Variants in UCHL5 observed in about 807,000 individuals in gnomAD.
The protein encoded by UCHL5 is ubiquitin carboxyl-terminal hydrolase isozyme L5.
UCHL5 carries 34 observed loss-of-function variants against 53.8 expected under a neutral mutation model. The ratio of observed to expected loss-of-function variants is 0.63; its 90% CI spans 0.48 to 0.84. The LOEUF (loss-of-function observed/expected upper bound fraction) is 0.84. Among genes scored for constraint, UCHL5 ranks in the 40% least tolerant of loss-of-function variants. The pLI is 0.00. For synonymous variants in UCHL5, 111 were observed against 126.3 expected (o/e 0.88, Z 0.81); for missense variants, 290 against 385.6 (o/e 0.75, Z 2.08).
rs1558156791 is a variant in UCHL5, at chr1:193,049,803, T to A, written c.189A>T (p.Glu63Asp). Residue 63 changes from glutamate to aspartate, a missense_variant, in exon 3 of 11, where the codon GAA (glutamate) becomes GAT (aspartate). By Grantham distance (45) the Glu-to-Asp change is conservative (BLOSUM62 2). Coordinates refer to ENST00000367454, the MANE Select transcript of UCHL5 (RefSeq NM_001199261.3). ...AGTCCTGAACCACAGAGCCTGCTGG[T>A]TCTTCTCCTGGCTGCCACTTGAAAA... Reference protein sequence around the residue: ...IFLFKWQPGEEPAGSVVQDSR... With the variant: ...IFLFKWQPGEDPAGSVVQDSR... 1.9e-6 allele frequency: 3 copies of A among 1,612,752 alleles called. No individual in the cohort carries two copies. The highest frequency in any genetic ancestry group is 2.5e-6 in the Non-Finnish European group (3 of 1,179,064).
chr1:193,056,091 T>C (rs1178863170), intron 1 of UCHL5, among the ~76,000 whole-genome samples: 2 of 152,234 alleles, frequency 1.3e-5, no homozygotes, highest in African/African-American at 2.4e-5. Flanking sequence ...TGGTTATCTA[T>C]TTCTTAAGTG....
chr1:193,033,336 A>G (rs916556043), intron 3 of UCHL5, among the ~76,000 whole-genome samples: 1 of 151,928 alleles, frequency 6.6e-6, no homozygotes, highest in African/African-American at 2.4e-5. Context: ...ATGAGAACGC[A>G]TGGGCACAGG....
intron 3 of UCHL5, among the ~76,000 whole-genome samples, chr1:193,037,072 A>G (rs907716623): frequency 6.6e-6 from 1 of 151,964 alleles, no homozygotes; most frequent in Non-Finnish European, 1.5e-5. Context: ...CCACCTAATT[A>G]TATACCCCAA....
At chr1:193,051,854 AATTC>A (rs1362323132) in intron 1 of UCHL5, 37 bp from the exon 2 acceptor site, 1 of 1,465,978 alleles carries the variant, frequency 6.8e-7, no homozygotes, top group Non-Finnish European at 9.3e-7. Flanking sequence ...TAAACAGGAT[AATTC>A]ATTTTTTCCT....
At chr1:193,050,736 A>G (rs1305445731) in intron 2 of UCHL5, among the ~76,000 whole-genome samples, 1 of 151,676 alleles carries the variant, frequency 6.6e-6, no homozygotes, top group Non-Finnish European at 1.5e-5. Context: ...ACAGAGTGAG[A>G]CTGTTTCAAA....
At chr1:193,043,151 TAAAAAAAAAAA>T (rs200951342) in intron 3 of UCHL5, among the ~76,000 whole-genome samples, 3 of 36,376 alleles carry the variant, frequency 8.2e-5, no homozygotes, top group African/African-American at 2.5e-4. Flanking sequence ...TCTTGAATAT[TAAAAAAAAAAA>T]AAAAAAAAAA....
At chr1:193,038,881 A>T (rs990547045) in intron 3 of UCHL5, among the ~76,000 whole-genome samples, 1 of 152,092 alleles carries the variant, frequency 6.6e-6, no homozygotes, top group African/African-American at 2.4e-5. Context: ...TTGTAGTCTT[A>T]GCTACTCGGG....
chr1:193,024,140 T>C (rs922834862), intron 7 of UCHL5, among the ~76,000 whole-genome samples, 194 bp from the exon 8 acceptor site: 8 of 151,948 alleles, frequency 5.3e-5, no homozygotes, highest in African/African-American at 1.9e-4. Context: ...CTTGGGAGGC[T>C]CAGGAGCGGA....
In UCHL5 at chr1:193,059,128, C is replaced by T. The variant is rs1671918892; in HGVS notation, c.76+57G>A. 1 of 1,474,790 alleles carries T rather than the reference C, an allele frequency of 6.8e-7. No homozygotes were observed. The highest frequency in any genetic ancestry group is 9.0e-7 in the Non-Finnish European group (1 of 1,106,652). The allele number at this position is 1,474,790 out of a possible 1,614,324, so 91.4% of individuals were successfully genotyped here. Reference sequence around the variant, plus strand: ...GGTGGCCGCAGGGAACCACTCCATGCCCAGCTTGGGCCTCCTCCCGTGACC... The same window carrying T: ...GGTGGCCGCAGGGAACCACTCCATGTCCAGCTTGGGCCTCCTCCCGTGACC... On this transcript the variant is annotated intron_variant, in intron 1 of 10. Coordinates refer to ENST00000367454, the MANE Select transcript of UCHL5 (RefSeq NM_001199261.3). The surrounding 1 kb of genome is among the most constrained non-coding windows in gnomAD (Gnocchi z 4.9).
chr1:193,039,345 G>A (rs1413499217), intron 3 of UCHL5, among the ~76,000 whole-genome samples: 1 of 152,116 alleles, frequency 6.6e-6, no homozygotes, highest in Non-Finnish European at 1.5e-5. Flanking sequence ...GGGAGGCAAG[G>A]TGGAGATGAG....
chr1:193,027,513 C>T (rs1424388787), intron 7 of UCHL5, among the ~76,000 whole-genome samples: 2 of 151,722 alleles, frequency 1.3e-5, no homozygotes, highest in African/African-American at 4.8e-5. Flanking sequence ...GGTGAAACCC[C>T]ACCTCTACTG....
At chr1:193,043,686 G>A (rs753785431) in intron 3 of UCHL5, among the ~76,000 whole-genome samples, 6 of 152,182 alleles carry the variant, frequency 3.9e-5, no homozygotes, top group Non-Finnish European at 5.9e-5. Context: ...CTGTGGGGCT[G>A]GAGACTAAGG....
At chr1:193,018,599 C>G (rs931910631) in intron 10 of UCHL5, 1 of 1,236,060 alleles carries the variant, frequency 8.1e-7, no homozygotes, top group Non-Finnish European at 1.0e-6. Flanking sequence ...TTCATTATAG[C>G]CATGCCGAGG....
In UCHL5 at chr1:193,020,584, T is replaced by G. The variant is rs564952322; in HGVS notation, c.942+513A>C. On this transcript the variant is annotated intron_variant, in intron 10 of 10. Transcript: ENST00000367454. ...TTTACTTATTCAACAAATATTTTAT[T>G]GTTACTTATGAAAAAAATCATAGAA... is the stretch of plus-strand genomic sequence containing the variant. The G allele has an allele frequency of 3.3e-4, 372 of 1,131,344 alleles. 6 individuals carry two copies. In the South Asian group the frequency reaches 9.9e-3, roughly 30 times the overall value. The allele number at this position is 1,131,344 out of a possible 1,614,324, so 70.1% of individuals were successfully genotyped here. A position where few individuals can be genotyped will look rare whatever the true frequency, so the allele number is the denominator to read the frequency against.
In UCHL5 at chr1:193,012,636, A is replaced by G. The variant is rs1212413896; in HGVS notation, c.*3715T>C. On this transcript the variant is annotated 3_prime_UTR_variant, in exon 11 of 11. Transcript: ENST00000367454. ...CTTCATTTAGGTCTCTACTTAAAGT[A>G]CATCTCATTAATGGGATCTTCCATG... 6.6e-6 allele frequency: 1 copy of G among 152,206 alleles called. No individual in the cohort carries two copies. The highest frequency in any genetic ancestry group is 1.5e-5 in the Non-Finnish European group (1 of 68,032). The allele number at this position is 152,206 out of a possible 1,614,324, so 9.4% of individuals were successfully genotyped here.
rs749245426 is a variant in UCHL5 at position 193,027,973 on chromosome 1, G to GAA, written c.629+110_629+111dup. 1.5e-5 allele frequency: 20 copies of GAA among 1,368,874 alleles called. No individual in the cohort carries two copies. In the East Asian group the frequency reaches 1.7e-4, roughly 12 times the overall value. The allele number at this position is 1,368,874 out of a possible 1,614,324, so 84.8% of individuals were successfully genotyped here. A position where few individuals can be genotyped will look rare whatever the true frequency, so the allele number is the denominator to read the frequency against. ...ACCCGTCTCTACGAAAAATTAAAAAGAAAAAAAAAAGTAGATGTTCAATGC... is the reference window on the plus strand; with the variant it reads ...ACCCGTCTCTACGAAAAATTAAAAAGAAAAAAAAAAAAGTAGATGTTCAATGC... On this transcript the variant is annotated intron_variant, in intron 7 of 10. Transcript: ENST00000367454.
rs578030374 is a variant in UCHL5, at chr1:193,039,386, G to A, written c.247-9729C>T. ...ATCGTGCCACTACATTCCAGCCTGG[G>A]TGACCTAGTGAGACTATGTCTCAAA... is the stretch of plus-strand genomic sequence containing the variant. On this transcript the variant is annotated intron_variant, in intron 3 of 10. Coordinates refer to ENST00000367454, the MANE Select transcript of UCHL5 (RefSeq NM_001199261.3). Among the ~76,000 whole-genome samples, 3 of 152,212 alleles carry A rather than the reference G, an allele frequency of 2.0e-5. No homozygotes were observed. The South Asian group carries it at 6.2e-4, about 32-fold the overall frequency.
At chr1:193,035,699 A>C (rs1663108161) in intron 3 of UCHL5, among the ~76,000 whole-genome samples, 1 of 152,100 alleles carries the variant, frequency 6.6e-6, no homozygotes, top group South Asian at 2.1e-4. Context: ...AACCCAGAAT[A>C]ATATTGTCAC....
chr1:193,017,153 G>A (rs1241596878), intron 10 of UCHL5, among the ~76,000 whole-genome samples: 1 of 151,712 alleles, frequency 6.6e-6, no homozygotes, highest in East Asian at 1.9e-4. Context: ...CTGAGGTTCT[G>A]TATTTCTAAC....
Sources: gnomAD v4.1 joint callset for allele counts (sites outside exome capture counted in the v4.1 genomes callset) on GRCh38, gnomAD v4.1.1 for gene constraint, Gnocchi (gnomAD v3.1) non-coding constraint, MANE v1.5 for transcripts, NCBI Gene and HGNC (gene_info 2026-07-23, HGNC 2026-07-21) for gene names.